Variants in PCDHA3 observed in about 807,000 individuals in gnomAD.
The protein encoded by PCDHA3 is protocadherin alpha-3.
Under a neutral mutation model 62.2 loss-of-function variants are expected in PCDHA3, and 41 were observed. That is an observed-to-expected ratio of 0.66 (90% CI 0.51 to 0.86). PCDHA3 has a LOEUF of 0.86. Ranked by LOEUF, PCDHA3 falls within the 40% of genes least tolerant of loss-of-function variation. The probability of loss-of-function intolerance (pLI) is 0.00; values close to 1 mark genes in which losing one functional copy is unlikely to be tolerated. For missense variants in PCDHA3, 1,304 were observed against 1,241.2 expected (o/e 1.05, Z -0.76); for synonymous variants, 640 against 555.4 (o/e 1.15, Z -2.14).
intron 1 of PCDHA3, chr5:140,882,120 CT>C (rs2058961361): frequency 6.9e-7 from 1 of 1,449,002 alleles, no homozygotes; most frequent in East Asian, 2.3e-5. Flanking sequence ...GCCGCCGTTT[CT>C]TTCTTCCTGC....
At chr5:140,975,978 A>T (rs964939685) in intron 1 of PCDHA3, among the ~76,000 whole-genome samples, 1 of 152,142 alleles carries the variant, frequency 6.6e-6, no homozygotes, top group African/African-American at 2.4e-5. Context: ...AAGTAAGCAT[A>T]GTCCTGGGAG....
rs781827236 is a variant in PCDHA3, at chr5:140,877,873, T to C, written c.2394+74282T>C. ...TTAATATTATTTAGATATATTTGTT[T>C]CCTTGAAGAACTTCCGTTTAGGTTA... On this transcript the variant is annotated intron_variant, in intron 1 of 3. Transcript: ENST00000522353. 6.8e-6 allele frequency: 10 copies of C among 1,481,404 alleles called. 1 individual carries two copies. In the Admixed American group the frequency reaches 2.1e-4, roughly 30 times the overall value. 91.8% of individuals were successfully genotyped at this position (1,481,404 alleles called of 1,614,324 possible).
rs1333191283 is a variant in PCDHA3 at position 140,836,505 on chromosome 5, T to C, written c.2394+32914T>C. 11 of 1,613,862 alleles carry C rather than the reference T, an allele frequency of 6.8e-6. No homozygotes were observed. In the African/African-American group the frequency reaches 8.0e-5, roughly 12 times the overall value. On this transcript the variant is annotated intron_variant, in intron 1 of 3. Coordinates refer to ENST00000522353, the MANE Select transcript of PCDHA3 (RefSeq NM_018906.3). Reference sequence around the variant, plus strand: ...CCTGATCATCGCCATCTGCGCGGTGTCCAGTCTGTTGGTGCTTACCCTGCT... The same window carrying C: ...CCTGATCATCGCCATCTGCGCGGTGCCCAGTCTGTTGGTGCTTACCCTGCT...
chr5:140,976,383 T>G (rs963492291), intron 1 of PCDHA3, among the ~76,000 whole-genome samples: 4 of 152,058 alleles, frequency 2.6e-5, no homozygotes, highest in African/African-American at 9.7e-5. Context: ...AAACCCCATC[T>G]CTACTAAAAA....
chr5:140,870,774 G>GAACGAC (rs781868424), intron 1 of PCDHA3: 1 of 1,613,632 alleles, frequency 6.2e-7, no homozygotes, highest in South Asian at 1.1e-5. Context: ...TGCTGGACGA[G>GAACGAC]AACGACAACG....
chr5:140,963,861 G>A (rs2095794580), intron 1 of PCDHA3, among the ~76,000 whole-genome samples: 1 of 152,172 alleles, frequency 6.6e-6, no homozygotes, highest in Admixed American at 6.5e-5. Flanking sequence ...ATAACCGTAT[G>A]AGTTTTGCTT....
chr5:140,858,100 C>T lies in PCDHA3; in HGVS notation c.2394+54509C>T, dbSNP rs368579908. ...AGGCCTCGTCGCGGGCTTCAGTGGG[C>T]GTGGCGCCCGAGGTGGCCCTGGTGG... On this transcript the variant is annotated intron_variant, in intron 1 of 3. Coordinates refer to ENST00000522353, the MANE Select transcript of PCDHA3 (RefSeq NM_018906.3). 202 of 1,597,586 alleles carry T rather than the reference C, an allele frequency of 1.3e-4. 22 individuals are homozygous for T. The highest frequency in any genetic ancestry group is 1.7e-4 in the Non-Finnish European group (196 of 1,167,684).
Position 140,843,785 on chromosome 5 carries a change from A to G in PCDHA3, c.2394+40194A>G. 2 of 1,419,854 alleles carry G rather than the reference A, an allele frequency of 1.4e-6. 1 individual carries two copies. Among genetic ancestry groups the G allele is most frequent in the South Asian group, 2.6e-5 (2 of 76,630 alleles). The allele number at this position is 1,419,854 out of a possible 1,614,324, so 88.0% of individuals were successfully genotyped here. ...ATTGTAGTTACTTTAAAAGTGTTTCAGATTTAGTTTTTCACCGTATTTTAT... is the reference window on the plus strand; with the variant it reads ...ATTGTAGTTACTTTAAAAGTGTTTCGGATTTAGTTTTTCACCGTATTTTAT... On this transcript the variant is annotated intron_variant, in intron 1 of 3. Coordinates refer to ENST00000522353, the MANE Select transcript of PCDHA3 (RefSeq NM_018906.3).
chr5:140,850,513 G>T lies in PCDHA3; in HGVS notation c.2394+46922G>T, dbSNP rs2150487190. The stretch of plus-strand genomic sequence containing the variant: ...GTGCTGGTGTCGCTGGTGGAGAGCG[G>T]CCAGGCGCCAAAGTCATCGTCGCGG... On this transcript the variant is annotated intron_variant, in intron 1 of 3. Transcript: ENST00000522353. The T allele has an allele frequency of 3.1e-6, 5 of 1,598,108 alleles. No homozygotes were observed. In the East Asian group the frequency reaches 1.1e-4, roughly 36 times the overall value.
At position 140,849,922 on chromosome 5, in the gene PCDHA3, C is replaced by A. The variant is rs140735832; in HGVS notation, c.2394+46331C>A. The stretch of plus-strand genomic sequence containing the variant: ...AACCCGCCGGGCTGCCACATCTTCA[C>A]GGTGTCTGCGCGGGACGCTGACGCG... On this transcript the variant is annotated intron_variant, in intron 1 of 3. Transcript: ENST00000522353. 10 of 1,598,214 alleles carry A rather than the reference C, an allele frequency of 6.3e-6. 1 individual carries two copies. In the South Asian group the frequency reaches 9.9e-5, roughly 16 times the overall value.
intron 1 of PCDHA3, chr5:140,857,912 C>A: frequency 1.3e-6 from 2 of 1,597,766 alleles, no homozygotes; most frequent in African/African-American, 1.3e-5. Flanking sequence ...CATCCCGTTT[C>A]GCGTGGGGCT....
intron 1 of PCDHA3, chr5:140,869,090 C>G (rs150845602): frequency 1.3e-6 from 2 of 1,589,674 alleles, no homozygotes; most frequent in African/African-American, 1.4e-5. Context: ...TTTTGGAAGC[C>G]AATTTCGTAT....
chr5:140,856,592 A>G lies in PCDHA3; in HGVS notation c.2394+53001A>G, dbSNP rs782076669. The G allele has an allele frequency of 1.2e-5, 19 of 1,597,836 alleles. 1 individual carries two copies. The highest frequency in any genetic ancestry group is 8.6e-6 in the Non-Finnish European group (10 of 1,167,414). On this transcript the variant is annotated intron_variant, in intron 1 of 3. Transcript: ENST00000522353. ...AAATGAGTATTTTGTTCTTGATATTATAAACAAAAAAGACAAAGACAAATT... is the reference window on the plus strand; with the variant it reads ...AAATGAGTATTTTGTTCTTGATATTGTAAACAAAAAAGACAAAGACAAATT...
At position 140,856,702 on chromosome 5, in the gene PCDHA3, A is replaced by G. The variant is rs782234318; in HGVS notation, c.2394+53111A>G. The stretch of plus-strand genomic sequence containing the variant: ...TGTTGACAGCAACTGATGGAGGCAA[A>G]CCTGAATTTACCGGATCTGTTTCTC... On this transcript the variant is annotated intron_variant, in intron 1 of 3. Transcript: ENST00000522353. The G allele has an allele frequency of 1.7e-5, 27 of 1,596,504 alleles. 5 individuals are homozygous for G. Among genetic ancestry groups the G allele is most frequent in the Middle Eastern group, 3.3e-4 (2 of 6,020 alleles).
In PCDHA3 at chr5:141,011,628, A is replaced by G. The variant is rs568783669; in HGVS notation, c.*1691A>G. On this transcript the variant is annotated 3_prime_UTR_variant, in exon 4 of 4. Coordinates refer to ENST00000522353, the MANE Select transcript of PCDHA3 (RefSeq NM_018906.3). ...TTTATTTATGGTCCAGCCAAGAGCC[A>G]TCTCGTGCCAAGACTTCTGCTGGCA... is the stretch of plus-strand genomic sequence containing the variant. The G allele has an allele frequency of 6.5e-6, 1 of 153,882 alleles. No homozygotes were observed. Among genetic ancestry groups the G allele is most frequent in the East Asian group, 1.9e-4 (1 of 5,186 alleles). 9.5% of individuals were successfully genotyped at this position (153,882 alleles called of 1,614,324 possible).
At chr5:140,892,678 A>G (rs1381127232) in intron 1 of PCDHA3, among the ~76,000 whole-genome samples, 2 of 152,216 alleles carry the variant, frequency 1.3e-5, no homozygotes, top group Middle Eastern at 3.2e-3. Context: ...ACATATATAC[A>G]ATGTATAATA....
intron 1 of PCDHA3, among the ~76,000 whole-genome samples, chr5:140,909,595 A>G (rs1336934015): frequency 6.6e-6 from 1 of 151,976 alleles, no homozygotes; most frequent in Non-Finnish European, 1.5e-5. Context: ...TTGATTTACT[A>G]TTTTTCTAGG....
intron 1 of PCDHA3, among the ~76,000 whole-genome samples, chr5:140,919,693 T>C (rs1383014744): frequency 6.6e-6 from 1 of 152,234 alleles, no homozygotes; most frequent in Admixed American, 6.5e-5. Context: ...TTCAGATTTA[T>C]ATTAACTTAA....
intron 1 of PCDHA3, among the ~76,000 whole-genome samples, chr5:140,947,307 T>C (rs1329729103): frequency 6.6e-6 from 1 of 151,660 alleles, no homozygotes; most frequent in African/African-American, 2.4e-5. Context: ...GACATCTTTG[T>C]AAAAAGTCGG....
Sources: gnomAD v4.1 joint callset for allele counts (sites outside exome capture counted in the v4.1 genomes callset) on GRCh38, gnomAD v4.1.1 for gene constraint, MANE v1.5 for transcripts, NCBI Gene and HGNC (gene_info 2026-07-23, HGNC 2026-07-21) for gene names.